Variants in INSR observed in about 807,000 individuals in gnomAD.
INSR encodes the protein IR.
In INSR, 67 loss-of-function variants were observed where a neutral mutation model predicts 142.6. That is an observed-to-expected ratio of 0.47 (90% CI 0.39 to 0.58). The LOEUF (loss-of-function observed/expected upper bound fraction) is 0.58, where lower values mean the gene tolerates loss of function less well. Among genes scored for constraint, INSR ranks in the 20% least tolerant of loss-of-function variants. INSR has a pLI of 0.00. For missense variants in INSR, 1,248 were observed against 1,833.2 expected (o/e 0.68, Z 5.83); for synonymous variants, 756 against 743.1 (o/e 1.02, Z -0.28).
rs1974628340 is a variant in INSR, at chr19:7,192,431, G to C, written c.653-7794C>G. Among the ~76,000 whole-genome samples, 1 of 152,278 alleles carries C rather than the reference G, an allele frequency of 6.6e-6. No individual in the cohort carries two copies. Among genetic ancestry groups the C allele is most frequent in the South Asian group, 2.1e-4 (1 of 4,820 alleles). On this transcript the variant is annotated intron_variant, in intron 2 of 21. Coordinates refer to ENST00000302850, the MANE Select transcript of INSR (RefSeq NM_000208.4). This position sits in a 1 kb window ranked among gnomAD's most constrained non-coding sequence, Gnocchi z 4.2. Reference sequence around the variant, plus strand: ...AGACATTATGAAAGCCACGTGTCATGCAAGATGAGAAACAGCCCCAGTGGA... The same window carrying C: ...AGACATTATGAAAGCCACGTGTCATCCAAGATGAGAAACAGCCCCAGTGGA...
At chr19:7,263,768 G>A (rs753627051) in intron 2 of INSR, among the ~76,000 whole-genome samples, 46 of 151,994 alleles carry the variant, frequency 3.0e-4, no homozygotes, top group Non-Finnish European at 6.3e-4. Flanking sequence ...CACAGTGGCC[G>A]ATGCATGTAA....
intron 9 of INSR, among the ~76,000 whole-genome samples, chr19:7,156,052 C>CTTTTTTTTT (rs147889782): frequency 5.9e-5 from 4 of 67,348 alleles, no homozygotes; most frequent in African/African-American, 2.5e-4. Context: ...ATATGGAATT[C>CTTTTTTTTT]TTTTTTTTTT....
intron 9 of INSR, among the ~76,000 whole-genome samples, chr19:7,161,442 A>T (rs1020539406): frequency 6.6e-6 from 1 of 151,672 alleles, no homozygotes; most frequent in Non-Finnish European, 1.5e-5. Flanking sequence ...TAGAGATGGG[A>T]TCTTGCTATG....
intron 11 of INSR, among the ~76,000 whole-genome samples, chr19:7,144,145 G>A (rs1027712484): frequency 6.6e-6 from 1 of 151,832 alleles, no homozygotes; most frequent in Non-Finnish European, 1.5e-5. Context: ...TAAATATTAT[G>A]TGTGAACATG....
chr19:7,248,751 AG>A (rs1976610621), intron 2 of INSR, among the ~76,000 whole-genome samples: 1 of 80,760 alleles, frequency 1.2e-5, no homozygotes, highest in Non-Finnish European at 2.2e-5. Flanking sequence ...CCGGTTGGCC[AG>A]AATTTTTTTT....
chr19:7,142,840 C>G lies in INSR; in HGVS notation c.2518G>C (p.Val840Leu). The G allele has an allele frequency of 6.2e-7, 1 of 1,614,090 alleles. No homozygotes were observed. The highest frequency in any genetic ancestry group is 8.5e-7 in the Non-Finnish European group (1 of 1,180,044). Residue 840 changes from valine (V) to leucine (L), a missense_variant, in exon 12 of 22, where the codon GTC becomes CTC. Val to Leu is a conservative substitution (Grantham distance 32, BLOSUM62 1). Transcript: ENST00000302850. ...PEERCSVAAY[V>L]SARTMPEAKA... ...CCTTCAGGCATGGTCCTCGCACTGA[C>G]GTAGGCTGCCACACTGCACCGTTCC...
intron 2 of INSR, among the ~76,000 whole-genome samples, chr19:7,240,999 G>A (rs866411476): frequency 2.6e-5 from 4 of 152,132 alleles, no homozygotes; most frequent in South Asian, 2.1e-4. Context: ...TGGCATTGAC[G>A]TGTGTACAAG....
rs1555683193 is a variant in INSR at position 7,225,707 on chromosome 19, C to CA, written c.653-41071_653-41070insT. On this transcript the variant is annotated intron_variant, in intron 2 of 21. Coordinates refer to ENST00000302850, the MANE Select transcript of INSR (RefSeq NM_000208.4). This position sits in a 1 kb window ranked among gnomAD's most constrained non-coding sequence, Gnocchi z 4.7. Reference sequence around the variant, plus strand: ...GGCTCTTGGTTTCCATTTCCCCCCCCTCAAAAAAAGAGCAGAGAATAATTG... The same window carrying CA: ...GGCTCTTGGTTTCCATTTCCCCCCCCATCAAAAAAAGAGCAGAGAATAATTG... Among the ~76,000 whole-genome samples, 27 of 150,316 alleles carry CA rather than the reference C, an allele frequency of 1.8e-4. No individual in the cohort carries two copies. The East Asian group carries it at 4.8e-3, about 27-fold the overall frequency.
Position 7,170,554 on chromosome 19 carries a change from T to A in INSR, c.1466A>T (p.Asn489Ile). ...TGACTTACAGGATGCCTGGTCCCCA[T>A]TGGTCTTCAGGGCAATGTCGTTTCT... ...QERNDIALKT[N>I]GDQASCENEL... The change falls in exon 6 of 22, where the codon AAT becomes ATT. Residue 489 changes from asparagine (N) to isoleucine (I), a missense_variant. By Grantham distance (149) the Asn-to-Ile change is moderately radical (BLOSUM62 -3). Coordinates refer to ENST00000302850, the MANE Select transcript of INSR (RefSeq NM_000208.4). The A allele has an allele frequency of 1.9e-6, 3 of 1,612,752 alleles. No individual in the cohort carries two copies. The highest frequency in any genetic ancestry group is 2.5e-6 in the Non-Finnish European group (3 of 1,179,722).
In INSR at chr19:7,288,887, C is replaced by G. The variant is rs531417591; in HGVS notation, c.100+4905G>C. 1.6e-3 allele frequency among the ~76,000 whole-genome samples: 237 copies of G among 149,054 alleles called. 2 individuals carry two copies. Among genetic ancestry groups the G allele is most frequent in the African/African-American group, 5.6e-3 (225 of 40,154 alleles). ...CTGAGGCAGGACCATTGCTTGAACCCAGGAGACGGAGGTTGTAGTGAGCCA... is the reference window on the plus strand; with the variant it reads ...CTGAGGCAGGACCATTGCTTGAACCGAGGAGACGGAGGTTGTAGTGAGCCA... On this transcript the variant is annotated intron_variant, in intron 1 of 21. Transcript: ENST00000302850.
intron 2 of INSR, among the ~76,000 whole-genome samples, chr19:7,221,457 C>T (rs978734427): frequency 9.2e-5 from 14 of 151,474 alleles, no homozygotes; most frequent in Non-Finnish European, 7.4e-5. Context: ...CCTGTAATCC[C>T]AGCACTTTGG....
intron 21 of INSR, among the ~76,000 whole-genome samples, chr19:7,118,465 C>A (rs1972393346): frequency 6.6e-6 from 1 of 151,632 alleles, no homozygotes. Context: ...TTACAGGCGC[C>A]CACGACCGCG....
chr19:7,193,463 G>C (rs1974655009), intron 2 of INSR, among the ~76,000 whole-genome samples: 1 of 150,632 alleles, frequency 6.6e-6, no homozygotes, highest in South Asian at 2.2e-4. Context: ...AGTGAGCTGA[G>C]ATCACGCTAC....
intron 2 of INSR, among the ~76,000 whole-genome samples, chr19:7,213,010 G>GT (rs1975321415): frequency 6.6e-6 from 1 of 151,760 alleles, no homozygotes; most frequent in South Asian, 2.1e-4. Context: ...TTTCAGCTCT[G>GT]TTTAAAATGT....
chr19:7,207,901 A>AAAGGAAGGAAGGAAAGGAAGGAAGG (rs1975149705), intron 2 of INSR, among the ~76,000 whole-genome samples: 2 of 72,806 alleles, frequency 2.7e-5, no homozygotes, highest in African/African-American at 5.2e-5. Context: ...GGAAGGAAGG[A>AAAGGAAGGAAGGAAAGGAAGGAAGG]AAGGAAGGAA....
At chr19:7,249,950 C>T (rs190646510) in intron 2 of INSR, among the ~76,000 whole-genome samples, 1 of 151,910 alleles carries the variant, frequency 6.6e-6, no homozygotes, top group East Asian at 1.9e-4. Context: ...TGAGATCGCA[C>T]CACTGCACTC....
chr19:7,137,383 C>G (rs1383124836), intron 13 of INSR, among the ~76,000 whole-genome samples: 1 of 152,026 alleles, frequency 6.6e-6, no homozygotes, highest in African/African-American at 2.4e-5. Flanking sequence ...TGCTGGGATG[C>G]ACTCTGTCTT....
chr19:7,194,508 C>CTTTT (rs35025189), intron 2 of INSR, among the ~76,000 whole-genome samples: 9 of 73,562 alleles, frequency 1.2e-4, no homozygotes, highest in African/African-American at 2.8e-4. Flanking sequence ...AATAGCTTTG[C>CTTTT]TTTTTTTTTT....
chr19:7,153,343 AC>A (rs1211198885), intron 9 of INSR, among the ~76,000 whole-genome samples: 2 of 122,560 alleles, frequency 1.6e-5, no homozygotes, highest in Admixed American at 8.0e-5. Context: ...CACGCCACAC[AC>A]CACAGACCAC....
Sources: gnomAD v4.1 joint callset for allele counts (sites outside exome capture counted in the v4.1 genomes callset) on GRCh38, gnomAD v4.1.1 for gene constraint, Gnocchi (gnomAD v3.1) non-coding constraint, MANE v1.5 for transcripts, NCBI Gene and HGNC (gene_info 2026-07-23, HGNC 2026-07-21) for gene names.